Variants in SGCZ observed in about 807,000 individuals in gnomAD.
The protein encoded by SGCZ is sarcoglycan zeta, also known as zeta-sarcoglycan.
A neutral mutation model predicts 41.3 loss-of-function variants in SGCZ; 40 were observed. That is an observed-to-expected ratio of 0.97 (90% CI 0.75 to 1.26). SGCZ has a LOEUF of 1.26. Ranked by LOEUF, SGCZ falls within the 50% of genes most tolerant of loss-of-function variation. The pLI, the probability that SGCZ is intolerant of heterozygous loss-of-function variation, is 0.00. For missense variants in SGCZ, 552 were observed against 369.8 expected (o/e 1.49, Z -4.04); for synonymous variants, 206 against 137.5 (o/e 1.50, Z -3.49).
chr8:14,953,628 C>G (rs7833907), intron 1 of SGCZ, among the ~76,000 whole-genome samples: 80,610 of 149,612 alleles, frequency 0.54, 21,060 homozygotes, highest in Admixed American at 0.61. Flanking sequence ...TGTAGTTCTC[C>G]GGTTCATTTC....
At chr8:14,524,706 C>A (rs537351572) in intron 2 of SGCZ, among the ~76,000 whole-genome samples, 4 of 152,090 alleles carry the variant, frequency 2.6e-5, no homozygotes, top group Admixed American at 6.6e-5. Context: ...TTTGAACAAA[C>A]CTTCTCTGCA....
At chr8:14,811,580 G>C (rs1233713382) in intron 1 of SGCZ, among the ~76,000 whole-genome samples, 2 of 111,370 alleles carry the variant, frequency 1.8e-5, no homozygotes, top group Non-Finnish European at 3.4e-5. Flanking sequence ...AGTTGTTATG[G>C]GAGAGGGCCA....
intron 2 of SGCZ, among the ~76,000 whole-genome samples, chr8:14,517,499 C>A (rs1802657878): frequency 1.3e-5 from 2 of 151,964 alleles, no homozygotes; most frequent in African/African-American, 4.8e-5. Context: ...TAACAAAGTG[C>A]TAAAATAGGC....
intron 1 of SGCZ, among the ~76,000 whole-genome samples, chr8:14,807,481 T>C (rs1001120139): frequency 3.3e-5 from 5 of 152,058 alleles, no homozygotes; most frequent in South Asian, 2.1e-4. Context: ...CCATTCACAA[T>C]TGCTTCAAAG....
At chr8:14,540,271 G>C (rs1458455689) in intron 2 of SGCZ, among the ~76,000 whole-genome samples, 1 of 56,472 alleles carries the variant, frequency 1.8e-5, no homozygotes, top group Non-Finnish European at 3.7e-5. Flanking sequence ...CTTTTTGTTA[G>C]GTTTATAAAT....
At chr8:14,372,302 A>T (rs1803942572) in intron 2 of SGCZ, among the ~76,000 whole-genome samples, 1 of 152,196 alleles carries the variant, frequency 6.6e-6, no homozygotes, top group African/African-American at 2.4e-5. Context: ...GAGAATGTGT[A>T]TACCCAACCA....
In SGCZ at chr8:14,505,795, A is replaced by G. The variant is rs189903956; in HGVS notation, c.234+48937T>C. ...ATATTTCCTAGTGTAATGGTTCTCAAAAACTGGTCCCCATACTATAATGGT... is the reference window on the plus strand; with the variant it reads ...ATATTTCCTAGTGTAATGGTTCTCAGAAACTGGTCCCCATACTATAATGGT... On this transcript the variant is annotated intron_variant, in intron 2 of 7. Coordinates refer to ENST00000382080, the MANE Select transcript of SGCZ (RefSeq NM_139167.4). 1.3e-3 allele frequency among the ~76,000 whole-genome samples: 204 copies of G among 152,196 alleles called. 1 individual carries two copies. Among genetic ancestry groups the G allele is most frequent in the Non-Finnish European group, 2.1e-3 (142 of 68,020 alleles).
At chr8:14,688,507 A>G (rs1189763422) in intron 1 of SGCZ, among the ~76,000 whole-genome samples, 1 of 152,012 alleles carries the variant, frequency 6.6e-6, no homozygotes, top group African/African-American at 2.4e-5. Flanking sequence ...ATAGTTGTAG[A>G]TATGCAGCAT....
At chr8:14,824,621 C>A (rs954480415) in intron 1 of SGCZ, among the ~76,000 whole-genome samples, 1 of 151,946 alleles carries the variant, frequency 6.6e-6, no homozygotes, top group Non-Finnish European at 1.5e-5. Flanking sequence ...AGACCAAGAA[C>A]CTGCCTTTAC....
Position 14,955,185 on chromosome 8 carries a change from G to T in SGCZ, c.39+282400C>A, listed in dbSNP as rs186352295. On this transcript the variant is annotated intron_variant, in intron 1 of 7. Coordinates refer to ENST00000382080, the MANE Select transcript of SGCZ (RefSeq NM_139167.4). ...CGTAATTTAGTGAAGTTAAAAAAAA[G>T]AAAACTTCAAAACTTCCTATTTTCT... is the stretch of plus-strand genomic sequence containing the variant. Among the ~76,000 whole-genome samples the T allele has an allele frequency of 6.5e-4, 99 of 152,112 alleles. 2 individuals carry two copies. Among genetic ancestry groups the T allele is most frequent in the Admixed American group, 6.2e-3 (94 of 15,280 alleles).
intron 1 of SGCZ, among the ~76,000 whole-genome samples, chr8:15,111,470 A>C (rs1023841807): frequency 1.3e-5 from 2 of 152,156 alleles, no homozygotes; most frequent in Non-Finnish European, 2.9e-5. Flanking sequence ...CACGGGCCAA[A>C]TCCTTCACAC....
intron 1 of SGCZ, among the ~76,000 whole-genome samples, chr8:14,674,638 C>T (rs1182361433): frequency 1.3e-5 from 2 of 152,038 alleles, no homozygotes; most frequent in Non-Finnish European, 2.9e-5. Context: ...CAATGTTTGA[C>T]GTGGGACCTG....
chr8:14,642,044 G>A (rs951085602), intron 1 of SGCZ, among the ~76,000 whole-genome samples: 4 of 151,568 alleles, frequency 2.6e-5, no homozygotes, highest in African/African-American at 9.7e-5. Context: ...AAAAGTCCAT[G>A]TACCAATGGA....
At position 14,929,271 on chromosome 8, in the gene SGCZ, G is replaced by A. The variant is rs535617401; in HGVS notation, c.39+308314C>T. Among the ~76,000 whole-genome samples, 32 of 152,266 alleles carry A rather than the reference G, an allele frequency of 2.1e-4. 1 individual carries two copies. The highest frequency in any genetic ancestry group is 9.6e-5 in the African/African-American group (4 of 41,560). ...CTCCCAAAGTACTGGGATTACAGGC[G>A]TGAACCACTGCGCCTGGCCAATGAC... On this transcript the variant is annotated intron_variant, in intron 1 of 7. Coordinates refer to ENST00000382080, the MANE Select transcript of SGCZ (RefSeq NM_139167.4).
chr8:14,429,228 G>A (rs958317980), intron 2 of SGCZ, among the ~76,000 whole-genome samples: 6 of 152,184 alleles, frequency 3.9e-5, no homozygotes, highest in African/African-American at 1.4e-4. Context: ...AGATAAAAAT[G>A]TAGCATAGGT....
chr8:14,144,034 A>G (rs1383124852), intron 5 of SGCZ, among the ~76,000 whole-genome samples: 2 of 152,060 alleles, frequency 1.3e-5, no homozygotes, highest in African/African-American at 4.8e-5. Flanking sequence ...TCTCCAAATA[A>G]ACTTAAAAGG....
At chr8:15,235,975 T>C (rs1449020578) in intron 1 of SGCZ, among the ~76,000 whole-genome samples, 2 of 152,174 alleles carry the variant, frequency 1.3e-5, no homozygotes, top group Non-Finnish European at 2.9e-5. Flanking sequence ...AGGCAATGTG[T>C]CCTATCGGAG....
chr8:15,159,351 G>C (rs1476081952), intron 1 of SGCZ, among the ~76,000 whole-genome samples: 3 of 152,094 alleles, frequency 2.0e-5, no homozygotes, highest in Admixed American at 6.6e-5. Context: ...ATGGTTCCCT[G>C]AGTTCTGTGA....
intron 1 of SGCZ, among the ~76,000 whole-genome samples, chr8:15,227,869 G>T (rs1009131127): frequency 6.6e-6 from 1 of 152,154 alleles, no homozygotes; most frequent in African/African-American, 2.4e-5. Flanking sequence ...TACACTCTGA[G>T]CATGTTCACA....
Sources: gnomAD v4.1 joint callset for allele counts (sites outside exome capture counted in the v4.1 genomes callset) on GRCh38, gnomAD v4.1.1 for gene constraint, MANE v1.5 for transcripts, NCBI Gene and HGNC (gene_info 2026-07-23, HGNC 2026-07-21) for gene names.